Variants in LPP observed in about 807,000 individuals in gnomAD.
LPP encodes the protein lipoma-preferred partner.
Under a neutral mutation model 60.4 loss-of-function variants are expected in LPP, and 38 were observed. That is an observed-to-expected ratio of 0.63 (90% CI 0.49 to 0.83). The LOEUF is 0.83. Ranked by LOEUF, LPP falls within the 40% of genes least tolerant of loss-of-function variation. The pLI is 0.00. For synonymous variants in LPP, 328 were observed against 290.8 expected (o/e 1.13, Z -1.30); for missense variants, 902 against 783.6 (o/e 1.15, Z -1.80).
intron 8 of LPP, among the ~76,000 whole-genome samples, chr3:188,750,745 C>T (rs1016183655): frequency 3.3e-5 from 5 of 152,088 alleles, no homozygotes; most frequent in Non-Finnish European, 7.4e-5. Flanking sequence ...CTGGAGAAAA[C>T]CTAATGTTCT....
intron 1 of LPP, chr3:188,179,266 T>A: frequency 2.2e-6 from 1 of 458,258 alleles, no homozygotes; most frequent in South Asian, 1.5e-5. Flanking sequence ...TTGCCCCCTG[T>A]CTTCGCAGCG....
chr3:188,741,570 A>AT lies in LPP; in HGVS notation c.1241-18530dup, dbSNP rs72066131. On this transcript the variant is annotated intron_variant, in intron 8 of 11. Transcript: ENST00000617246. ...CATGGTATATCTCTCCCTTTACTTC[A>AT]TTTTTTTTTTTTTGGTTCTCTCAGC... Among the ~76,000 whole-genome samples, 1,376 of 143,756 alleles carry AT rather than the reference A, an allele frequency of 9.6e-3. 10 individuals carry two copies. Among genetic ancestry groups the AT allele is most frequent in the African/African-American group, 0.02 (795 of 39,300 alleles). 94.3% of individuals were successfully genotyped at this position (143,756 alleles called of 152,430 possible). A position where few individuals can be genotyped will look rare whatever the true frequency, so the allele number is the denominator to read the frequency against.
chr3:188,447,754 C>T (rs1027589217), intron 4 of LPP, among the ~76,000 whole-genome samples: 19 of 151,762 alleles, frequency 1.3e-4, no homozygotes, highest in Non-Finnish European at 2.1e-4. Flanking sequence ...CCAGCCTGGG[C>T]GACACAGCAA....
intron 10 of LPP, among the ~76,000 whole-genome samples, chr3:188,867,055 A>T (rs1037372421): frequency 6.6e-6 from 1 of 152,122 alleles, no homozygotes. Context: ...GGATTAAAAA[A>T]TGGTGCCTCA....
At chr3:188,204,640 G>A (rs9855518) in intron 1 of LPP, among the ~76,000 whole-genome samples, 9,499 of 152,148 alleles carry the variant, frequency 0.062, 346 homozygotes, top group South Asian at 0.13. Context: ...GATTGTTTTC[G>A]TTCCTGTTTT....
At chr3:188,534,462 T>G (rs1301264070) in intron 6 of LPP, among the ~76,000 whole-genome samples, 1 of 152,246 alleles carries the variant, frequency 6.6e-6, no homozygotes, top group Non-Finnish European at 1.5e-5. Flanking sequence ...AAGAGTGTTC[T>G]TGTTAGGACT....
chr3:188,342,875 A>G (rs1763415452), intron 3 of LPP, among the ~76,000 whole-genome samples: 1 of 152,214 alleles, frequency 6.6e-6, no homozygotes, highest in Admixed American at 6.5e-5. Flanking sequence ...ATTAAACCAG[A>G]CATAACAGCC....
chr3:188,176,817 T>C (rs1336593360), intron 1 of LPP, among the ~76,000 whole-genome samples: 3 of 152,206 alleles, frequency 2.0e-5, no homozygotes, highest in Non-Finnish European at 4.4e-5. Flanking sequence ...CACCCTCTCA[T>C]GCACCAGTGG....
chr3:188,305,727 A>G (rs541139002), intron 2 of LPP, among the ~76,000 whole-genome samples: 1 of 152,346 alleles, frequency 6.6e-6, no homozygotes, highest in Admixed American at 6.5e-5. Flanking sequence ...TGTTATTTGA[A>G]GGTTTTTCAG....
chr3:188,324,669 T>C (rs1356270981), intron 2 of LPP, among the ~76,000 whole-genome samples: 2 of 152,228 alleles, frequency 1.3e-5, no homozygotes, highest in Non-Finnish European at 2.9e-5. Flanking sequence ...ACTATGGCAA[T>C]AGTCTCTGAA....
chr3:188,229,325 AG>A (rs1411648779), intron 2 of LPP, among the ~76,000 whole-genome samples: 2 of 152,166 alleles, frequency 1.3e-5, no homozygotes, highest in African/African-American at 4.8e-5. Context: ...AGTGGGAGTC[AG>A]GAAGGAAATT....
At chr3:188,687,340 A>C (rs539849403) in intron 7 of LPP, among the ~76,000 whole-genome samples, 1 of 152,146 alleles carries the variant, frequency 6.6e-6, no homozygotes, top group African/African-American at 2.4e-5. Flanking sequence ...TTACTAGCTG[A>C]TATGGTTTGG....
chr3:188,849,637 TTCTG>T (rs1762279590), intron 9 of LPP, among the ~76,000 whole-genome samples: 1 of 152,016 alleles, frequency 6.6e-6, no homozygotes, highest in African/African-American at 2.4e-5. Flanking sequence ...CAAGTTTAAT[TTCTG>T]TCTACCAACT....
Position 188,713,402 on chromosome 3 carries a change from G to A in LPP, c.1240+5009G>A, listed in dbSNP as rs200080936. 4.6e-4 allele frequency among the ~76,000 whole-genome samples: 68 copies of A among 147,500 alleles called. 1 individual carries two copies. The East Asian group carries it at 8.3e-3, about 18-fold the overall frequency. ...TGAATTCTGGATGAAAAAAAAAAAA[G>A]CTGTAAAGGATTGGTAACAAACTTA... On this transcript the variant is annotated intron_variant, in intron 8 of 11. Transcript: ENST00000617246.
intron 1 of LPP, among the ~76,000 whole-genome samples, chr3:188,187,912 T>C (rs567122951): frequency 1.3e-5 from 2 of 152,150 alleles, no homozygotes; most frequent in Non-Finnish European, 2.9e-5. Flanking sequence ...TTTCTTTTTT[T>C]TCTCTACTGA....
At chr3:188,722,289 A>G (rs1248576402) in intron 8 of LPP, among the ~76,000 whole-genome samples, 3 of 152,210 alleles carry the variant, frequency 2.0e-5, no homozygotes, top group Non-Finnish European at 4.4e-5. Context: ...GTGTTCAGTC[A>G]TGGTAATTGG....
At chr3:188,615,786 TGA>T (rs1233423490) in intron 7 of LPP, among the ~76,000 whole-genome samples, 4 of 152,148 alleles carry the variant, frequency 2.6e-5, no homozygotes, top group Non-Finnish European at 4.4e-5. Context: ...CTGACTGGTG[TGA>T]GAGATGGTAT....
intron 7 of LPP, among the ~76,000 whole-genome samples, chr3:188,634,861 A>G (rs1560677811): frequency 6.6e-6 from 1 of 152,328 alleles, no homozygotes; most frequent in East Asian, 1.9e-4. Context: ...CAATAAATGT[A>G]AAGTACTTGA....
chr3:188,301,979 AG>A (rs1265493504), intron 2 of LPP, among the ~76,000 whole-genome samples: 1 of 142,508 alleles, frequency 7.0e-6, no homozygotes, highest in Non-Finnish European at 1.5e-5. Flanking sequence ...TTAAAAAAAA[AG>A]AAAAAAAAAA....
Sources: gnomAD v4.1 joint callset for allele counts (sites outside exome capture counted in the v4.1 genomes callset) on GRCh38, gnomAD v4.1.1 for gene constraint, MANE v1.5 for transcripts, NCBI Gene and HGNC (gene_info 2026-07-23, HGNC 2026-07-21) for gene names.